The following LRMDA variants were observed in gnomAD, a reference collection of about 807,000 sequenced individuals.
The protein encoded by LRMDA is leucine rich melanocyte differentiation associated, also known as leucine-rich melanocyte differentiation-associated protein.
A neutral mutation model predicts 29.8 loss-of-function variants in LRMDA; 18 were observed. The ratio of observed to expected loss-of-function variants is 0.60; its 90% confidence interval spans 0.42 to 0.90. The LOEUF is 0.90. LRMDA is among the 40% of genes least tolerant of loss of function. The pLI is 0.00. For synonymous variants in LRMDA, 125 were observed against 109.4 expected, an observed-to-expected ratio of 1.14 and a Z score of -0.89; for missense variants, 273 against 273.9, an observed-to-expected ratio of 1.00 and a Z score of 0.02.
chr10:75,517,607 T>C lies in LRMDA; in HGVS notation c.131+79113T>C, dbSNP rs547947667. Among the ~76,000 whole-genome samples the C allele has an allele frequency of 9.2e-5, 14 of 152,278 alleles. No individual in the cohort carries two copies. The South Asian group carries it at 1.7e-3, about 18-fold the overall frequency. On this transcript the variant is annotated intron_variant, in intron 2 of 6. Transcript: ENST00000611255. ...AGCTTAAGGAGATTTGGGGCTGAGA[T>C]GATGGGGTTTTCTAAATATACAGTC... is the stretch of plus-strand genomic sequence containing the variant.
chr10:75,602,465 C>T (rs909713395), intron 2 of LRMDA, among the ~76,000 whole-genome samples: 2 of 152,126 alleles, frequency 1.3e-5, no homozygotes, highest in Admixed American at 6.6e-5. Context: ...AGAGGTCGGC[C>T]AGCCATAAAG....
At chr10:76,025,433 T>C (rs895878210) in intron 2 of LRMDA, among the ~76,000 whole-genome samples, 1 of 151,632 alleles carries the variant, frequency 6.6e-6, no homozygotes, top group Non-Finnish European at 1.5e-5. Flanking sequence ...CCAGAGCTCA[T>C]CTTATCCATG....
intron 2 of LRMDA, among the ~76,000 whole-genome samples, chr10:75,446,961 CT>C (rs1844403182): frequency 1.3e-5 from 2 of 152,194 alleles, no homozygotes; most frequent in Admixed American, 1.3e-4. Flanking sequence ...TATTTCCAAC[CT>C]CAAATGTAGT....
At chr10:75,895,440 G>A (rs1845565258) in intron 2 of LRMDA, among the ~76,000 whole-genome samples, 1 of 152,144 alleles carries the variant, frequency 6.6e-6, no homozygotes, top group Admixed American at 6.5e-5. Context: ...CATTTTACAG[G>A]TTAGGAAACC....
chr10:75,912,609 A>G (rs1589250799), intron 2 of LRMDA, among the ~76,000 whole-genome samples: 1 of 152,090 alleles, frequency 6.6e-6, no homozygotes, highest in South Asian at 2.1e-4. Context: ...TTAGGGTGGG[A>G]TAGGGGAGGT....
intron 2 of LRMDA, among the ~76,000 whole-genome samples, chr10:75,901,849 G>A (rs1261469752): frequency 2.6e-5 from 4 of 152,126 alleles, no homozygotes; most frequent in Non-Finnish European, 5.9e-5. Flanking sequence ...ACCTGTTTTA[G>A]ATCTCGAGGT....
At chr10:75,714,055 C>A (rs1842469493) in intron 2 of LRMDA, among the ~76,000 whole-genome samples, 1 of 152,138 alleles carries the variant, frequency 6.6e-6, no homozygotes. Flanking sequence ...GACTTGTTAT[C>A]TGAGGTAGGA....
In LRMDA at chr10:75,527,663, A is replaced by G. The variant is rs917991833; in HGVS notation, c.131+89169A>G. ...GAATATGTAATATACTGTATACTAT[A>G]TAATTATAATATAAATCATATATAA... On this transcript the variant is annotated intron_variant, in intron 2 of 6. Coordinates refer to ENST00000611255, the MANE Select transcript of LRMDA (RefSeq NM_001305581.2). Among the ~76,000 whole-genome samples, 23 of 147,914 alleles carry G rather than the reference A, an allele frequency of 1.6e-4. No homozygotes were observed. The East Asian group carries it at 3.3e-3, about 21-fold the overall frequency.
chr10:75,463,061 G>A (rs946301573), intron 2 of LRMDA, among the ~76,000 whole-genome samples: 1 of 152,292 alleles, frequency 6.6e-6, no homozygotes, highest in South Asian at 2.1e-4. Context: ...TCCAGTTGCC[G>A]CTGGTGAGAG....
At chr10:75,504,936 G>A (rs1339644063) in intron 2 of LRMDA, among the ~76,000 whole-genome samples, 1 of 152,184 alleles carries the variant, frequency 6.6e-6, no homozygotes. Context: ...GGAGGTCAGA[G>A]TAGGTGTAGG....
At chr10:76,059,272 G>A (rs2117792) in intron 5 of LRMDA, among the ~76,000 whole-genome samples, 65,480 of 152,058 alleles carry the variant, frequency 0.43, 14,627 homozygotes, top group Non-Finnish European at 0.45. Context: ...TTTTCTGACA[G>A]TGTGTCCCTA....
At chr10:76,178,996 A>G (rs1386382653) in intron 5 of LRMDA, among the ~76,000 whole-genome samples, 1 of 152,182 alleles carries the variant, frequency 6.6e-6, no homozygotes, top group Non-Finnish European at 1.5e-5. Flanking sequence ...GAGAGACCAG[A>G]CAGAGCTTCT....
At chr10:76,112,693 C>T (rs994848303) in intron 5 of LRMDA, among the ~76,000 whole-genome samples, 2 of 130 alleles carry the variant, frequency 0.015, no homozygotes, top group Admixed American at 0.062. Context: ...TAGGTAGGTC[C>T]GGCTCCCGGA....
intron 2 of LRMDA, among the ~76,000 whole-genome samples, chr10:75,569,993 T>A (rs560731541): frequency 4.3e-4 from 65 of 152,368 alleles, no homozygotes; most frequent in African/African-American, 1.5e-3. Context: ...CAGGAGACTT[T>A]TGCTTTGCTT....
At chr10:75,819,840 A>G (rs1420424747) in intron 2 of LRMDA, among the ~76,000 whole-genome samples, 3 of 152,214 alleles carry the variant, frequency 2.0e-5, no homozygotes, top group African/African-American at 7.2e-5. Flanking sequence ...GCCATATGTG[A>G]CTATTGAGCA....
chr10:76,062,600 A>G (rs1848718789), intron 5 of LRMDA, among the ~76,000 whole-genome samples: 1 of 150,510 alleles, frequency 6.6e-6, no homozygotes, highest in African/African-American at 2.4e-5. Flanking sequence ...AGATGCTGTC[A>G]TTCATTAGGA....
At chr10:76,111,791 C>T (rs1379187446) in intron 5 of LRMDA, among the ~76,000 whole-genome samples, 1 of 118,348 alleles carries the variant, frequency 8.4e-6, no homozygotes, top group Middle Eastern at 3.4e-3. Context: ...TTAGAAATCA[C>T]CCCCGCCGAA....
chr10:76,201,469 G>A (rs1851430615), intron 5 of LRMDA, among the ~76,000 whole-genome samples: 1 of 152,226 alleles, frequency 6.6e-6, no homozygotes, highest in Non-Finnish European at 1.5e-5. Flanking sequence ...GTAAGCACCA[G>A]AGCTAGGTCT....
chr10:75,759,746 A>G (rs1285440427), intron 2 of LRMDA, among the ~76,000 whole-genome samples: 2 of 152,212 alleles, frequency 1.3e-5, no homozygotes. Context: ...TGTTTTCATA[A>G]ACATATTCAG....
Sources: gnomAD v4.1 joint callset for allele counts (sites outside exome capture counted in the v4.1 genomes callset) on GRCh38, gnomAD v4.1.1 for gene constraint, MANE v1.5 for transcripts, NCBI Gene and HGNC (gene_info 2026-07-23, HGNC 2026-07-21) for gene names.